The following SIPA1L3 variants were observed in gnomAD, a reference collection of about 807,000 sequenced individuals.
SIPA1L3 encodes signal-induced proliferation-associated 1-like protein 3.
A neutral mutation model predicts 150.1 loss-of-function variants in SIPA1L3; 59 were observed. That is an observed-to-expected ratio of 0.39 (90% CI 0.32 to 0.49). The LOEUF (loss-of-function observed/expected upper bound fraction) is 0.49, where lower values mean the gene tolerates loss of function less well. SIPA1L3 is among the 20% of genes least tolerant of loss of function. The probability of loss-of-function intolerance (pLI) is 0.86; values close to 1 mark genes in which losing one functional copy is unlikely to be tolerated. For synonymous variants in SIPA1L3, 1,070 were observed against 1,077.6 expected, an observed-to-expected ratio of 0.99 and a Z score of 0.14; for missense variants, 2,211 against 2,489.5, an observed-to-expected ratio of 0.89 and a Z score of 2.38.
intron 4 of SIPA1L3, among the ~76,000 whole-genome samples, chr19:38,095,579 G>A (rs544516385): frequency 6.6e-6 from 1 of 152,312 alleles, no homozygotes; most frequent in Non-Finnish European, 1.5e-5. Flanking sequence ...GATGTTTTCA[G>A]GCTCTGAGCA....
Position 38,160,404 on chromosome 19 carries a change from C to G in SIPA1L3, c.3662-1849C>G, listed in dbSNP as rs1299959547. Among the ~76,000 whole-genome samples, 8 of 146,932 alleles carry G rather than the reference C, an allele frequency of 5.4e-5. No homozygotes were observed. The Admixed American group carries it at 5.5e-4, about 10-fold the overall frequency. ...CAGTTGACATCCAGAGCAGCTGCTA[C>G]TCTTTTTTTTTTTTTTGAGACGGAG... On this transcript the variant is annotated intron_variant, in intron 13 of 21. Coordinates refer to ENST00000222345, the MANE Select transcript of SIPA1L3 (RefSeq NM_015073.3).
At chr19:37,939,300 C>G (rs1463403387) in intron 1 of SIPA1L3, among the ~76,000 whole-genome samples, 2 of 149,188 alleles carry the variant, frequency 1.3e-5, no homozygotes, top group African/African-American at 5.0e-5. Flanking sequence ...ACTCAAGAGG[C>G]TGAGGTAGGA....
At chr19:38,132,326 G>A (rs1487504042) in intron 10 of SIPA1L3, among the ~76,000 whole-genome samples, 1 of 151,928 alleles carries the variant, frequency 6.6e-6, no homozygotes, top group Admixed American at 6.6e-5. Flanking sequence ...TCGGGAGGCC[G>A]AGGCGGGCGG....
intron 1 of SIPA1L3, among the ~76,000 whole-genome samples, chr19:37,966,526 G>T (rs1472152533): frequency 1.3e-5 from 2 of 152,126 alleles, no homozygotes; most frequent in East Asian, 3.9e-4. Flanking sequence ...GATGACTCCT[G>T]CCGTGCCCAC....
chr19:38,163,951 T>A (rs1972148522), intron 14 of SIPA1L3, among the ~76,000 whole-genome samples: 2 of 152,108 alleles, frequency 1.3e-5, no homozygotes, highest in Admixed American at 1.3e-4. Context: ...GGGAGGAGGC[T>A]GCTGCACTGG....
intron 19 of SIPA1L3, among the ~76,000 whole-genome samples, chr19:38,201,280 G>A (rs1169547219): frequency 1.3e-5 from 2 of 152,222 alleles, no homozygotes; most frequent in East Asian, 1.9e-4. Flanking sequence ...AACAGCTCAG[G>A]TGCCCCCAGT....
Position 38,206,513 on chromosome 19 carries a change from G to A in SIPA1L3, c.*273G>A, listed in dbSNP as rs1057221844. 14 of 362,718 alleles carry A rather than the reference G, an allele frequency of 3.9e-5. No homozygotes were observed. Among genetic ancestry groups the A allele is most frequent in the Admixed American group, 2.4e-4 (5 of 20,976 alleles). 22.5% of individuals were successfully genotyped at this position (362,718 alleles called of 1,614,324 possible). A position where few individuals can be genotyped will look rare whatever the true frequency, so the allele number is the denominator to read the frequency against. ...GCTGGGCTGTGCTTACACCGCTCCCGGGCCTGCCCCGCTGTCCCCATCTAG... is the reference window on the plus strand; with the variant it reads ...GCTGGGCTGTGCTTACACCGCTCCCAGGCCTGCCCCGCTGTCCCCATCTAG... On this transcript the variant is annotated 3_prime_UTR_variant, in exon 22 of 22. Coordinates refer to ENST00000222345, the MANE Select transcript of SIPA1L3 (RefSeq NM_015073.3).
intron 1 of SIPA1L3, among the ~76,000 whole-genome samples, chr19:37,953,115 T>C (rs1327795683): frequency 6.6e-6 from 1 of 152,192 alleles, no homozygotes; most frequent in Non-Finnish European, 1.5e-5. Flanking sequence ...TCCCAGCTAC[T>C]CAGGAGGCTG....
At chr19:38,146,522 C>T (rs1350877569) in intron 12 of SIPA1L3, among the ~76,000 whole-genome samples, 1 of 152,180 alleles carries the variant, frequency 6.6e-6, no homozygotes, top group Non-Finnish European at 1.5e-5. Context: ...TGAACATGTA[C>T]ATTCAGGCAT....
chr19:38,120,963 T>A (rs1411829284), intron 9 of SIPA1L3, among the ~76,000 whole-genome samples: 1 of 152,236 alleles, frequency 6.6e-6, no homozygotes, highest in Non-Finnish European at 1.5e-5. Flanking sequence ...GTCCCAGCAC[T>A]GCCACTTACC....
At chr19:38,039,402 T>TG (rs891197726) in intron 2 of SIPA1L3, among the ~76,000 whole-genome samples, 5 of 3,064 alleles carry the variant, frequency 1.6e-3, no homozygotes, top group Non-Finnish European at 2.6e-3. Flanking sequence ...GTGGGGGTGG[T>TG]GGGGGTGGGG....
At chr19:38,123,578 G>A (rs1971080702) in intron 9 of SIPA1L3, among the ~76,000 whole-genome samples, 1 of 148,892 alleles carries the variant, frequency 6.7e-6, no homozygotes, top group Non-Finnish European at 1.5e-5. Flanking sequence ...CACAGGGTTG[G>A]GGGTAAGGTC....
chr19:38,085,532 C>A (rs1328527082), intron 3 of SIPA1L3, among the ~76,000 whole-genome samples: 1 of 150,758 alleles, frequency 6.6e-6, no homozygotes, highest in Non-Finnish European at 1.5e-5. Flanking sequence ...AAGGAAAAAG[C>A]CAATGAGGCA....
Position 38,182,576 on chromosome 19 carries a change from G to A in SIPA1L3, c.4266G>A (p.Glu1422=), listed in dbSNP as rs1347944935. ...AGGTTTACAAAACTGCCAGTGCAGA[G>A]ACTCCTCGGCCCTCCCAGCTGGCCC... is the stretch of plus-strand genomic sequence containing the variant. ...PAQVYKTASA[E]TPRPSQLAQP... is the part of the protein sequence containing the mutation. Residue 1422 remains glutamate (E), a synonymous_variant, in exon 16 of 22, where the codon GAG becomes GAA. Coordinates refer to ENST00000222345, the MANE Select transcript of SIPA1L3 (RefSeq NM_015073.3). 3 of 1,614,078 alleles carry A rather than the reference G, an allele frequency of 1.9e-6. No homozygotes were observed. The highest frequency in any genetic ancestry group is 1.1e-5 in the South Asian group (1 of 91,092).
At chr19:38,137,713 C>T (rs540786120) in intron 10 of SIPA1L3, among the ~76,000 whole-genome samples, 1 of 152,152 alleles carries the variant, frequency 6.6e-6, no homozygotes, top group Non-Finnish European at 1.5e-5. Flanking sequence ...TGGCCTTGAA[C>T]TCCTGGGATC....
intron 1 of SIPA1L3, among the ~76,000 whole-genome samples, chr19:37,996,400 A>G (rs1967639704): frequency 6.6e-6 from 1 of 152,072 alleles, no homozygotes; most frequent in Non-Finnish European, 1.5e-5. Context: ...TTTTTAATTG[A>G]TAAGTAAACA....
At chr19:37,924,880 C>G (rs1276346339) in intron 1 of SIPA1L3, among the ~76,000 whole-genome samples, 1 of 151,716 alleles carries the variant, frequency 6.6e-6, no homozygotes, top group Non-Finnish European at 1.5e-5. Context: ...GAAACCCTCT[C>G]TCTACTAAAA....
intron 1 of SIPA1L3, among the ~76,000 whole-genome samples, chr19:37,950,098 AAAG>A (rs1197955914): frequency 1.3e-5 from 2 of 150,986 alleles, no homozygotes; most frequent in African/African-American, 2.5e-5. Flanking sequence ...AAAAAAAAAA[AAAG>A]AGTGTGACCA....
chr19:38,054,639 A>G (rs1312591250), intron 2 of SIPA1L3, among the ~76,000 whole-genome samples: 3 of 152,342 alleles, frequency 2.0e-5, no homozygotes, highest in African/African-American at 7.2e-5. Context: ...TTAGGGGAAA[A>G]AAAAATCATC....
Sources: allele counts gnomAD v4.1 joint callset (sites outside exome capture counted in the v4.1 genomes callset), GRCh38; gene constraint gnomAD v4.1.1; transcripts MANE v1.5; gene names NCBI Gene and HGNC (gene_info 2026-07-23, HGNC 2026-07-21).